CCN4: variants seen among roughly 807,000 people sequenced by gnomAD.
The protein encoded by CCN4 is CCN family member 4.
A neutral mutation model predicts 36.7 loss-of-function variants in CCN4; 30 were observed. That is an observed-to-expected ratio of 0.82 (90% CI 0.61 to 1.11). The LOEUF is 1.11. CCN4 is among the 50% of genes least tolerant of loss of function. CCN4 has a pLI of 0.00. For missense variants in CCN4, 505 were observed against 504.9 expected, an observed-to-expected ratio of 1.00 and a Z score of 0.00; for synonymous variants, 191 against 195.4, an observed-to-expected ratio of 0.98 and a Z score of 0.19.
At chr8:133,213,196 G>A (rs1029703800) in intron 2 of CCN4, 53 bp downstream of exon 2, 2 of 1,554,106 alleles carry the variant, frequency 1.3e-6, no homozygotes, top group Non-Finnish European at 1.8e-6. Flanking sequence ...CCCAGCTCTG[G>A]CCCCAAACCC....
intron 1 of CCN4, 62 bp from the exon 2 acceptor site, chr8:133,212,802 C>T: frequency 7.7e-7 from 1 of 1,292,264 alleles, no homozygotes; most frequent in Non-Finnish European, 1.1e-6. Flanking sequence ...AATGGCAGGG[C>T]CCTTTGGGCG....
In CCN4 at chr8:133,220,792, C is replaced by T. The variant is rs754365393; in HGVS notation, c.561C>T (p.Asp187=). Residue 187 remains aspartate, a synonymous_variant, in exon 3 of 5, where the codon GAC becomes GAT. Coordinates refer to ENST00000250160, the MANE Select transcript of CCN4 (RefSeq NM_003882.4). ...GHCCEQWVCE[D]DAKRPRKTAP... is the part of the protein sequence containing the mutation. ...GCTGTGAGCAGTGGGTATGTGAGGA[C>T]GACGCCAAGAGGCCACGCAAGACCG... 5.5e-5 allele frequency: 89 copies of T among 1,611,278 alleles called. No individual in the cohort carries two copies. Among genetic ancestry groups the T allele is most frequent in the South Asian group, 1.4e-4 (13 of 91,010 alleles).
At position 133,230,012 on chromosome 8, in the gene CCN4, A is replaced by C. The variant is rs1201540274; in HGVS notation, c.*2302A>C. 1 of 152,248 alleles carries C rather than the reference A, an allele frequency of 6.6e-6. No individual in the cohort carries two copies. Among genetic ancestry groups the C allele is most frequent in the East Asian group, 1.9e-4 (1 of 5,200 alleles). The allele number at this position is 152,248 out of a possible 1,614,324, so 9.4% of individuals were successfully genotyped here. A position where few individuals can be genotyped will look rare whatever the true frequency, so the allele number is the denominator to read the frequency against. Reference sequence around the variant, plus strand: ...GCTCACTCCATTTGAAATTCAGTGGAAACCCAAGAGCTAGGTTCTTACTGA... The same window carrying C: ...GCTCACTCCATTTGAAATTCAGTGGCAACCCAAGAGCTAGGTTCTTACTGA... On this transcript the variant is annotated 3_prime_UTR_variant, in exon 5 of 5. Transcript: ENST00000250160.
chr8:133,209,230 A>T (rs10108233), intron 1 of CCN4, among the ~76,000 whole-genome samples: 81,356 of 152,052 alleles, frequency 0.54, 22,578 homozygotes, highest in East Asian at 0.83. Context: ...ATCACGAGTC[A>T]GGACTCACTT....
At chr8:133,194,457 T>G (rs1853250386) in intron 1 of CCN4, among the ~76,000 whole-genome samples, 5 of 63,348 alleles carry the variant, frequency 7.9e-5, no homozygotes, top group African/African-American at 1.8e-4. Flanking sequence ...GTGTGTGGTA[T>G]GTGTGTGGGG....
chr8:133,212,947 G>A lies in CCN4; in HGVS notation c.153G>A (p.Trp51Ter). Residue 51 changes from tryptophan to a stop codon, truncating the protein, a stop_gained, in exon 2 of 5, where the codon TGG (tryptophan) becomes TGA (stop). Coordinates refer to ENST00000250160, the MANE Select transcript of CCN4 (RefSeq NM_003882.4). LOFTEE classifies it high-confidence loss of function. ...DTSSRPQFCKWPCECPPSPPR... is the reference protein window; with the variant it reads ...DTSSRPQFCK The stretch of plus-strand genomic sequence containing the variant: ...CCTCACGCCCCCAATTCTGCAAGTG[G>A]CCATGTGAGTGCCCGCCATCCCCAC... 1.2e-6 allele frequency: 2 copies of A among 1,613,844 alleles called. No individual in the cohort carries two copies. Among genetic ancestry groups the A allele is most frequent in the Non-Finnish European group, 1.7e-6 (2 of 1,179,904 alleles).
Position 133,227,391 on chromosome 8 carries a change from G to T in CCN4, c.805-20G>T, listed in dbSNP as rs772509022. 11 of 1,592,052 alleles carry T rather than the reference G, an allele frequency of 6.9e-6. No individual in the cohort carries two copies. In the African/African-American group the frequency reaches 1.2e-4, roughly 18 times the overall value. ...CATTCTCTGAGCACTCCCACTGAAA[G>T]CTCCTTTCCTTTCCTTCAGGCAGGG... is the stretch of plus-strand genomic sequence containing the variant. On this transcript the variant is annotated intron_variant, in intron 4 of 4. Coordinates refer to ENST00000250160, the MANE Select transcript of CCN4 (RefSeq NM_003882.4).
intron 2 of CCN4, among the ~76,000 whole-genome samples, chr8:133,213,842 A>ATATAGACTATATATAGTAGTTAAATATAC (rs1854164080): frequency 7.6e-6 from 1 of 131,400 alleles, no homozygotes; most frequent in East Asian, 3.9e-4. Flanking sequence ...AATATACTAT[A>ATATAGACTATATATAGTAGTTAAATATAC]TATACACTAT....
At chr8:133,194,376 G>A in intron 1 of CCN4, among the ~76,000 whole-genome samples, 1 of 116,808 alleles carries the variant, frequency 8.6e-6, no homozygotes, top group Non-Finnish European at 1.8e-5. Flanking sequence ...GTGTGTGTGT[G>A]GGGTGTGTGT....
chr8:133,220,211 G>A (rs534040220), intron 2 of CCN4, among the ~76,000 whole-genome samples: 104 of 152,112 alleles, frequency 6.8e-4, no homozygotes, highest in African/African-American at 2.3e-3. Flanking sequence ...TTTACAAGTC[G>A]GTCACCTTCA....
chr8:133,194,384 T>G (rs1588176963), intron 1 of CCN4, among the ~76,000 whole-genome samples: 1 of 64,806 alleles, frequency 1.5e-5, no homozygotes, highest in East Asian at 5.2e-4. Flanking sequence ...GTGGGGTGTG[T>G]GTGTGGTGTG....
In CCN4 at chr8:133,227,801, G is replaced by A. The variant is rs1489266973; in HGVS notation, c.*91G>A. The A allele has an allele frequency of 2.1e-6, 3 of 1,415,076 alleles. No homozygotes were observed. Among genetic ancestry groups the A allele is most frequent in the Non-Finnish European group, 1.9e-6 (2 of 1,043,732 alleles). 87.7% of individuals were successfully genotyped at this position (1,415,076 alleles called of 1,614,324 possible). On this transcript the variant is annotated 3_prime_UTR_variant, in exon 5 of 5. Transcript: ENST00000250160. ...AATAACTTTTCACCAATGAGCCTTA[G>A]TTACCCTGATCTGGACCCTTGGCCT...
At position 133,225,575 on chromosome 8, in the gene CCN4, C is replaced by T; in HGVS notation, c.796C>T (p.Leu266Phe). The T allele has an allele frequency of 6.2e-7, 1 of 1,605,314 alleles. No homozygotes were observed. Among genetic ancestry groups the T allele is most frequent in the East Asian group, 2.2e-5 (1 of 44,634 alleles). Residue 266 changes from leucine to phenylalanine, a missense_variant, in exon 4 of 5, where the codon CTC (leucine) becomes TTC (phenylalanine). Coordinates refer to ENST00000250160, the MANE Select transcript of CCN4 (RefSeq NM_003882.4). ...LRPCDVDIHT[L>F]IKAGKKCLAV... Reference sequence around the variant, plus strand: ...GCCATGCGATGTGGACATCCATACACTCATTAAGGTGGGTCCAGAGCAGGT... The same window carrying T: ...GCCATGCGATGTGGACATCCATACATTCATTAAGGTGGGTCCAGAGCAGGT...
intron 2 of CCN4, among the ~76,000 whole-genome samples, chr8:133,214,426 C>CT (rs71299057): frequency 1 from 151,933 of 151,938 alleles, 75,964 homozygotes; most frequent in Middle Eastern, 1. Context: ...CCTTATGATG[C>CT]TTTTGTTTTT....
chr8:133,209,593 G>A (rs1387239296), intron 1 of CCN4, among the ~76,000 whole-genome samples: 1 of 152,220 alleles, frequency 6.6e-6, no homozygotes, highest in Non-Finnish European at 1.5e-5. Context: ...CAGGCACTTA[G>A]AAAGGAAGCT....
intron 2 of CCN4, among the ~76,000 whole-genome samples, chr8:133,218,919 T>A (rs1854421500): frequency 6.6e-6 from 1 of 152,136 alleles, no homozygotes; most frequent in Non-Finnish European, 1.5e-5. Flanking sequence ...GGACAGAGCA[T>A]CTTCCTCCTT....
At chr8:133,222,783 T>C (rs1432760799) in intron 3 of CCN4, among the ~76,000 whole-genome samples, 1 of 149,750 alleles carries the variant, frequency 6.7e-6, no homozygotes, top group African/African-American at 2.5e-5. Flanking sequence ...AGAGTGGGAG[T>C]TCTAAGAGTA....
chr8:133,225,130 C>T (rs369288330), intron 3 of CCN4, among the ~76,000 whole-genome samples: 2 of 152,150 alleles, frequency 1.3e-5, no homozygotes, highest in East Asian at 1.9e-4. Flanking sequence ...AACTGGGATC[C>T]ACCTGTCTCT....
chr8:133,220,830 C>T lies in CCN4; in HGVS notation c.599C>T (p.Thr200Ile), dbSNP rs552625804. 1.3e-6 allele frequency: 2 copies of T among 1,599,030 alleles called. No homozygotes were observed. Among genetic ancestry groups the T allele is most frequent in the South Asian group, 1.1e-5 (1 of 90,656 alleles). Residue 200 changes from threonine to isoleucine, a missense_variant, in exon 3 of 5, where the codon ACA (threonine) becomes ATA (isoleucine). By Grantham distance (89) the Thr-to-Ile change is moderately conservative. Transcript: ENST00000250160. ...KRPRKTAPRD[T>I]GAFDAVGEVE... ...CCACGCAAGACCGCACCCCGTGACA[C>T]AGGAGCCTTCGGTGGGTGTGGGCCC... is the stretch of plus-strand genomic sequence containing the variant.
Sources: gnomAD v4.1 joint callset for allele counts (sites outside exome capture counted in the v4.1 genomes callset) on GRCh38, gnomAD v4.1.1 for gene constraint, MANE v1.5 for transcripts, NCBI Gene and HGNC (gene_info 2026-07-23, HGNC 2026-07-21) for gene names.